ROR1: variants seen among roughly 807,000 people sequenced by gnomAD.
The protein encoded by ROR1 is inactive tyrosine-protein kinase transmembrane receptor ROR1.
Under a neutral mutation model 78.8 loss-of-function variants are expected in ROR1, and 19 were observed. The observed-to-expected ratio is 0.24, with a 90% CI of 0.17 to 0.35. ROR1 has a LOEUF of 0.35. Among genes scored for constraint, ROR1 ranks in the 10% least tolerant of loss-of-function variants. The pLI is 1.00. For missense variants in ROR1, 917 were observed against 1,177.8 expected, an observed-to-expected ratio of 0.78 and a Z score of 3.24; for synonymous variants, 386 against 433.6, an observed-to-expected ratio of 0.89 and a Z score of 1.36.
intron 1 of ROR1, among the ~76,000 whole-genome samples, chr1:63,888,569 G>T (rs759418072): frequency 6.6e-6 from 1 of 152,170 alleles, no homozygotes; most frequent in Middle Eastern, 3.4e-3. Context: ...ACTGCAGTGC[G>T]CTATAATTGT....
intron 4 of ROR1, among the ~76,000 whole-genome samples, chr1:64,084,947 T>C (rs6687610): frequency 0.15 from 22,696 of 152,166 alleles, 1,764 homozygotes; most frequent in Middle Eastern, 0.2. Context: ...TTATAATACT[T>C]TCTGATTCCA....
chr1:64,011,733 A>T (rs192119546), intron 2 of ROR1, among the ~76,000 whole-genome samples: 1 of 152,326 alleles, frequency 6.6e-6, no homozygotes, highest in East Asian at 1.9e-4. Context: ...GCTTGGCATC[A>T]TCTTTCTCTA....
intron 1 of ROR1, among the ~76,000 whole-genome samples, chr1:63,928,990 G>C (rs924446272): frequency 5.3e-5 from 8 of 152,144 alleles, no homozygotes; most frequent in African/African-American, 1.7e-4. Flanking sequence ...ATTTAACCCA[G>C]CTGGGGCATC....
Position 64,121,972 on chromosome 1 carries a change from A to G in ROR1, c.483-15397A>G, listed in dbSNP as rs1488825375. 2.0e-5 allele frequency among the ~76,000 whole-genome samples: 3 copies of G among 152,234 alleles called. 1 individual carries two copies. Among genetic ancestry groups the G allele is most frequent in the Admixed American group, 2.0e-4 (3 of 15,282 alleles). ...CTCTTTGAGCACCAGAACCTGCACC[A>G]GCTGCCACAACCTGGCCACCAACCA... is the stretch of plus-strand genomic sequence containing the variant. On this transcript the variant is annotated intron_variant, in intron 4 of 8. Transcript: ENST00000371079.
intron 2 of ROR1, among the ~76,000 whole-genome samples, chr1:64,015,187 C>T (rs1646510725): frequency 6.6e-6 from 1 of 152,078 alleles, no homozygotes; most frequent in Non-Finnish European, 1.5e-5. Context: ...CAAGAAAGAC[C>T]TGCCCCCATA....
intron 2 of ROR1, among the ~76,000 whole-genome samples, chr1:64,012,443 A>T (rs752540145): frequency 6.6e-5 from 10 of 152,158 alleles, no homozygotes; most frequent in Non-Finnish European, 1.2e-4. Flanking sequence ...GTAACATAAA[A>T]ACTTGGCCTG....
chr1:64,145,154 T>C (rs1649441131), intron 7 of ROR1, among the ~76,000 whole-genome samples: 1 of 152,202 alleles, frequency 6.6e-6, no homozygotes, highest in South Asian at 2.1e-4. Flanking sequence ...TGCTCTCAGC[T>C]CAGCAAATAT....
At chr1:64,072,447 C>T (rs1419250194) in intron 4 of ROR1, among the ~76,000 whole-genome samples, 1 of 152,084 alleles carries the variant, frequency 6.6e-6, no homozygotes, top group East Asian at 1.9e-4. Context: ...AACAAAGTGC[C>T]TTAGGTTTAC....
intron 2 of ROR1, among the ~76,000 whole-genome samples, chr1:64,045,331 TAAAAA>T (rs56279322): frequency 0.033 from 5,061 of 151,572 alleles, 114 homozygotes; most frequent in Middle Eastern, 0.062. Context: ...TATTCAATAA[TAAAAA>T]AAAAATGCCA....
At chr1:63,873,444 A>C (rs1645264929) in intron 1 of ROR1, among the ~76,000 whole-genome samples, 1 of 152,184 alleles carries the variant, frequency 6.6e-6, no homozygotes, top group Admixed American at 6.5e-5. Flanking sequence ...CTTGCATTGA[A>C]GCAACACCCA....
chr1:63,979,993 G>A (rs1184251763), intron 1 of ROR1, among the ~76,000 whole-genome samples: 1 of 152,126 alleles, frequency 6.6e-6, no homozygotes, highest in East Asian at 1.9e-4. Context: ...GTATAGGAAA[G>A]TAATGTGGAT....
At chr1:63,825,140 A>C (rs750201645) in intron 1 of ROR1, among the ~76,000 whole-genome samples, 2 of 152,186 alleles carry the variant, frequency 1.3e-5, no homozygotes, top group Non-Finnish European at 2.9e-5. Context: ...TTTAAAAATT[A>C]AACTTAGCAT....
chr1:64,014,219 C>A (rs1356311103), intron 2 of ROR1, among the ~76,000 whole-genome samples: 1 of 152,156 alleles, frequency 6.6e-6, no homozygotes, highest in Non-Finnish European at 1.5e-5. Flanking sequence ...CCTCTTCACC[C>A]AGCTGCTGTG....
At chr1:63,860,562 TACACACACACACACACAC>T (rs68153450) in intron 1 of ROR1, among the ~76,000 whole-genome samples, 2 of 126,548 alleles carry the variant, frequency 1.6e-5, no homozygotes, top group East Asian at 2.4e-4. Context: ...CTACTAAAAA[TACACACACACACACACAC>T]ACACACACAC....
At chr1:64,015,342 C>T (rs1646511854) in intron 2 of ROR1, among the ~76,000 whole-genome samples, 1 of 152,172 alleles carries the variant, frequency 6.6e-6, no homozygotes, top group South Asian at 2.1e-4. Flanking sequence ...CTATGGGATT[C>T]ATGCCCATGT....
chr1:63,931,908 T>C (rs927044351), intron 1 of ROR1, among the ~76,000 whole-genome samples: 4 of 152,210 alleles, frequency 2.6e-5, no homozygotes, highest in African/African-American at 9.6e-5. Flanking sequence ...ATCACAGGTA[T>C]GTGTGTATAG....
chr1:63,958,619 C>T (rs1380882950), intron 1 of ROR1, among the ~76,000 whole-genome samples: 1 of 152,216 alleles, frequency 6.6e-6, no homozygotes, highest in Non-Finnish European at 1.5e-5. Flanking sequence ...GTTTTATCCT[C>T]TTACATAAAA....
chr1:63,779,470 C>G (rs1018099590), intron 1 of ROR1, among the ~76,000 whole-genome samples: 1 of 150,644 alleles, frequency 6.6e-6, no homozygotes, highest in Non-Finnish European at 1.5e-5. Flanking sequence ...AGAGACTGTT[C>G]GGTAGAAACT....
At chr1:64,103,138 G>A (rs1196082932) in intron 4 of ROR1, among the ~76,000 whole-genome samples, 1 of 152,166 alleles carries the variant, frequency 6.6e-6, no homozygotes. Context: ...GGTTCGCTAT[G>A]GAAAAGAATT....
Sources: allele counts gnomAD v4.1 joint callset (sites outside exome capture counted in the v4.1 genomes callset), GRCh38; gene constraint gnomAD v4.1.1; transcripts MANE v1.5; gene names NCBI Gene and HGNC (gene_info 2026-07-23, HGNC 2026-07-21).